Variants in BNC2 observed in about 807,000 individuals in gnomAD.
BNC2 encodes zinc finger protein basonuclin-2.
In BNC2, 20 loss-of-function variants were observed where a neutral mutation model predicts 76.3. The ratio of observed to expected loss-of-function variants is 0.26; its 90% confidence interval spans 0.18 to 0.38. The LOEUF is 0.38. Among genes scored for constraint, BNC2 ranks in the 10% least tolerant of loss-of-function variants. BNC2 has a pLI of 1.00. For missense variants in BNC2, 1,382 were observed against 1,399.8 expected, an observed-to-expected ratio of 0.99 and a Z score of 0.20; for synonymous variants, 582 against 514.8, an observed-to-expected ratio of 1.13 and a Z score of -1.77.
chr9:16,555,307 G>C (rs1331771704), intron 4 of BNC2, among the ~76,000 whole-genome samples: 1 of 152,100 alleles, frequency 6.6e-6, no homozygotes, highest in East Asian at 1.9e-4. Flanking sequence ...ACAGGCATGA[G>C]CCACCACACC....
At chr9:16,518,438 A>G (rs1817504452) in intron 5 of BNC2, among the ~76,000 whole-genome samples, 1 of 152,102 alleles carries the variant, frequency 6.6e-6, no homozygotes, top group South Asian at 2.1e-4. Context: ...AAAAATAATA[A>G]TAATAAAATA....
chr9:16,739,644 C>T (rs1185366959), intron 1 of BNC2, among the ~76,000 whole-genome samples: 1 of 152,068 alleles, frequency 6.6e-6, no homozygotes, highest in Non-Finnish European at 1.5e-5. Flanking sequence ...TGCACTCCAC[C>T]CTGGGCAACA....
intron 1 of BNC2, among the ~76,000 whole-genome samples, chr9:16,777,845 G>A (rs550463125): frequency 6.6e-6 from 1 of 152,162 alleles, no homozygotes; most frequent in African/African-American, 2.4e-5. Context: ...GTGACAATAA[G>A]TATGGTACTC....
intron 1 of BNC2, among the ~76,000 whole-genome samples, chr9:16,758,088 T>A (rs748050913): frequency 3.3e-5 from 5 of 152,178 alleles, no homozygotes; most frequent in Non-Finnish European, 5.9e-5. Context: ...AAAAGCAGAA[T>A]CTGCTTCCTT....
At chr9:16,726,171 G>A (rs10756793) in intron 3 of BNC2, among the ~76,000 whole-genome samples, 107,306 of 152,036 alleles carry the variant, frequency 0.71, 37,986 homozygotes, top group Non-Finnish European at 0.74. Context: ...CTCTCACAGC[G>A]CTCTGCAGTG....
At chr9:16,421,709 A>C (rs1173700334) in intron 6 of BNC2, among the ~76,000 whole-genome samples, 1 of 152,248 alleles carries the variant, frequency 6.6e-6, no homozygotes, top group East Asian at 1.9e-4. Flanking sequence ...GTTGCTAAGC[A>C]AAGTGCAGGA....
intron 3 of BNC2, among the ~76,000 whole-genome samples, chr9:16,701,940 A>AC (rs1331826124): frequency 1.3e-5 from 2 of 149,354 alleles, no homozygotes; most frequent in Non-Finnish European, 3.0e-5. Flanking sequence ...AGACTCTCCA[A>AC]AAAAAAAAAA....
chr9:16,641,993 T>C (rs1346227784), intron 3 of BNC2, among the ~76,000 whole-genome samples: 2 of 152,196 alleles, frequency 1.3e-5, no homozygotes, highest in African/African-American at 4.8e-5. Context: ...TAAAGATTTT[T>C]CCTTCGCAAT....
chr9:16,793,419 GGATAT>G, intron 1 of BNC2, among the ~76,000 whole-genome samples: 1 of 152,134 alleles, frequency 6.6e-6, no homozygotes, highest in Non-Finnish European at 1.5e-5. Context: ...GACATGGTTA[GGATAT>G]GACTTAACAA....
At chr9:16,519,287 G>T (rs575175624) in intron 5 of BNC2, among the ~76,000 whole-genome samples, 1 of 152,330 alleles carries the variant, frequency 6.6e-6, no homozygotes, top group South Asian at 2.1e-4. Context: ...TTTGTCTAGA[G>T]CTGGAAAGAG....
intron 1 of BNC2, among the ~76,000 whole-genome samples, chr9:16,795,899 A>AG (rs1817633881): frequency 6.6e-6 from 1 of 152,230 alleles, no homozygotes. Context: ...GGTTAGGAAG[A>AG]GAAAAAGAGC....
At chr9:16,780,235 C>CAAAAAAAAAAAAAA (rs372583425) in intron 1 of BNC2, among the ~76,000 whole-genome samples, 9 of 66,290 alleles carry the variant, frequency 1.4e-4, no homozygotes, top group South Asian at 5.6e-4. Context: ...GACTTCGTTT[C>CAAAAAAAAAAAAAA]AAAAAAAAAA....
intron 3 of BNC2, among the ~76,000 whole-genome samples, chr9:16,708,782 G>A (rs1823752667): frequency 6.6e-6 from 1 of 152,032 alleles, no homozygotes; most frequent in African/African-American, 2.4e-5. Flanking sequence ...CAGAGAGGAG[G>A]AGCTGGAGCC....
chr9:16,570,960 T>C (rs1222747166), intron 4 of BNC2, among the ~76,000 whole-genome samples: 2 of 152,226 alleles, frequency 1.3e-5, no homozygotes, highest in Admixed American at 6.5e-5. Flanking sequence ...ATCATGATAG[T>C]AACCCTAATT....
At chr9:16,827,001 G>C (rs1818465578) in intron 1 of BNC2, among the ~76,000 whole-genome samples, 1 of 152,120 alleles carries the variant, frequency 6.6e-6, no homozygotes, top group Non-Finnish European at 1.5e-5. Context: ...AACTTTTTTG[G>C]TTTATTCCAG....
rs1271597683 is a variant in BNC2 at position 16,435,588 on chromosome 9, T to C, written c.2606A>G (p.Asn869Ser). 1.9e-6 allele frequency: 3 copies of C among 1,613,998 alleles called. No individual in the cohort carries two copies. The highest frequency in any genetic ancestry group is 1.7e-5 in the Admixed American group (1 of 59,994). The change falls in exon 6 of 7, where the codon AAT becomes AGT. Residue 869 changes from asparagine to serine, a missense_variant. Physicochemically the swap from Asn to Ser is conservative, Grantham distance 46. Around this residue, in one of 3 missense-constraint regions of BNC2, gnomAD observed 798 missense variants for 775.5 expected, o/e 1.03. Transcript: ENST00000380672. ...GCTTCGGCGAGAGGGGAATGCAGCA[T>C]TGCAACCAGCCACTGTGCAGACGTG... ...EMHVCTVAGC[N>S]AAFPSRRSRD...
chr9:16,605,375 G>A (rs1373036976), intron 3 of BNC2, among the ~76,000 whole-genome samples: 3 of 152,182 alleles, frequency 2.0e-5, no homozygotes, highest in East Asian at 1.9e-4. Flanking sequence ...TTCCCTCTTA[G>A]GAGGGTATCA....
chr9:16,823,615 A>C (rs1183892950), intron 1 of BNC2, among the ~76,000 whole-genome samples: 1 of 152,026 alleles, frequency 6.6e-6, no homozygotes, highest in East Asian at 1.9e-4. Flanking sequence ...AAAAAAAAAA[A>C]AGAATTACAA....
At chr9:16,629,155 C>T (rs1314438915) in intron 3 of BNC2, among the ~76,000 whole-genome samples, 2 of 152,112 alleles carry the variant, frequency 1.3e-5, no homozygotes, top group Non-Finnish European at 2.9e-5. Context: ...GAAGGTTTAC[C>T]TTTTATGTTT....
Sources: allele counts gnomAD v4.1 joint callset (sites outside exome capture counted in the v4.1 genomes callset), GRCh38; gene constraint gnomAD v4.1.1; regional missense constraint gnomAD v4.1.1; transcripts MANE v1.5; gene names NCBI Gene and HGNC (gene_info 2026-07-23, HGNC 2026-07-21).